The following PDE8B variants were observed in gnomAD, a reference collection of about 807,000 sequenced individuals.
PDE8B encodes the protein phosphodiesterase 8B.
In PDE8B, 26 loss-of-function variants were observed where a neutral mutation model predicts 101.3. The ratio of observed to expected loss-of-function variants is 0.26; its 90% CI spans 0.19 to 0.36. The LOEUF (loss-of-function observed/expected upper bound fraction) is 0.36. Among genes scored for constraint, PDE8B ranks in the 10% least tolerant of loss-of-function variants. The pLI, the probability that PDE8B is intolerant of heterozygous loss-of-function variation, is 1.00. For missense variants in PDE8B, 810 were observed against 1,163.1 expected (o/e 0.70, Z 4.42); for synonymous variants, 424 against 429.3 (o/e 0.99, Z 0.15).
Position 77,351,051 on chromosome 5 carries a change from C to CT in PDE8B, c.1018-11dup. The CT allele has an allele frequency of 6.2e-7, 1 of 1,604,208 alleles. No individual in the cohort carries two copies. On this transcript the variant is annotated splice_polypyrimidine_tract_variant and intron_variant, in intron 8 of 21. Coordinates refer to ENST00000264917, the MANE Select transcript of PDE8B (RefSeq NM_003719.5). The stretch of plus-strand genomic sequence containing the variant: ...TTGACTGAAGGATTTTAAGAGCTCT[C>CT]TTTGTCCATGTAGGAGTGGCAGGGG...
intron 1 of PDE8B, among the ~76,000 whole-genome samples, chr5:77,236,163 G>A (rs1754644468): frequency 6.6e-6 from 1 of 152,244 alleles, no homozygotes; most frequent in Non-Finnish European, 1.5e-5. Context: ...GACAGTGGGA[G>A]GTCCCGAGTC....
At chr5:77,241,551 A>G (rs1275255167) in intron 1 of PDE8B, among the ~76,000 whole-genome samples, 1 of 152,190 alleles carries the variant, frequency 6.6e-6, no homozygotes, top group Non-Finnish European at 1.5e-5. Context: ...TCCTATAAGC[A>G]CTATGATCCT....
the PDE8B span, among the ~76,000 whole-genome samples, chr5:77,106,723 T>A: frequency 1.3e-5 from 2 of 152,178 alleles, no homozygotes; most frequent in African/African-American, 4.8e-5. Context: ...AATCTTCAGA[T>A]CCATGAATAT....
chr5:77,275,290 A>G (rs981633259), intron 1 of PDE8B, among the ~76,000 whole-genome samples: 4 of 152,182 alleles, frequency 2.6e-5, no homozygotes, highest in Non-Finnish European at 5.9e-5. Context: ...ACTGTTAACA[A>G]TGTGGAGTTT....
the PDE8B span, chr5:77,166,526 C>T: frequency 1.3e-5 from 2 of 152,110 alleles, no homozygotes; most frequent in Non-Finnish European, 2.9e-5. Context: ...GATCTGTGGC[C>T]TGGAATAATG....
the PDE8B span, among the ~76,000 whole-genome samples, chr5:77,159,277 G>A: frequency 1.3e-5 from 2 of 152,322 alleles, no homozygotes; most frequent in South Asian, 2.1e-4. Flanking sequence ...GTCTGTGAGG[G>A]TGTTGCCAAA....
At chr5:77,311,125 G>A (rs189361685) in intron 1 of PDE8B, among the ~76,000 whole-genome samples, 49 of 142,700 alleles carry the variant, frequency 3.4e-4, no homozygotes, top group Admixed American at 3.2e-3. Flanking sequence ...GCTTCCAATA[G>A]TGACAAATGA....
intron 1 of PDE8B, among the ~76,000 whole-genome samples, chr5:77,221,388 T>C (rs1751069759): frequency 6.6e-6 from 1 of 152,248 alleles, no homozygotes; most frequent in South Asian, 2.1e-4. Flanking sequence ...GCATCTAACA[T>C]GTTTCCCTGC....
chr5:77,253,482 T>C (rs1394081052), intron 1 of PDE8B, among the ~76,000 whole-genome samples: 1 of 152,230 alleles, frequency 6.6e-6, no homozygotes, highest in African/African-American at 2.4e-5. Flanking sequence ...TATTAACATT[T>C]GTATTCTGCT....
At chr5:77,217,540 AT>A (rs1249299993) in intron 1 of PDE8B, among the ~76,000 whole-genome samples, 208 of 144,972 alleles carry the variant, frequency 1.4e-3, no homozygotes, top group Middle Eastern at 3.6e-3. Flanking sequence ...GAAAACACCA[AT>A]TTTTTTTTTT....
intron 1 of PDE8B, among the ~76,000 whole-genome samples, chr5:77,301,892 TTTTTGTTTTG>T (rs528464999): frequency 6.6e-6 from 1 of 152,220 alleles, no homozygotes; most frequent in Admixed American, 6.5e-5. Flanking sequence ...TTTGGGGTTT[TTTTTGTTTTG>T]TTTTGTTTTG....
intron 9 of PDE8B, 31 bp from the exon 10 acceptor site, chr5:77,353,315 G>T: frequency 1.7e-6 from 2 of 1,171,632 alleles, no homozygotes; most frequent in South Asian, 2.4e-5. Flanking sequence ...TCTCATATCT[G>T]ACTCACTAAT....
intron 5 of PDE8B, among the ~76,000 whole-genome samples, chr5:77,333,321 A>G (rs1777513460): frequency 6.6e-6 from 1 of 152,188 alleles, no homozygotes; most frequent in Non-Finnish European, 1.5e-5. Context: ...AAATCAGCAA[A>G]GAAGCCATGT....
At chr5:77,148,731 T>C in the PDE8B span, among the ~76,000 whole-genome samples, 47 of 152,342 alleles carry the variant, frequency 3.1e-4, no homozygotes, top group African/African-American at 1.1e-3. Flanking sequence ...GAGTTGTTTT[T>C]CTTATTATTC....
At chr5:77,369,131 A>G (rs1784626424) in intron 10 of PDE8B, among the ~76,000 whole-genome samples, 1 of 144,684 alleles carries the variant, frequency 6.9e-6, no homozygotes, top group Non-Finnish European at 1.5e-5. Flanking sequence ...TGAACCTGGG[A>G]GACGGAGGTT....
chr5:77,173,792 G>A, the PDE8B span, among the ~76,000 whole-genome samples: 11 of 152,186 alleles, frequency 7.2e-5, 2 homozygotes, highest in African/African-American at 2.6e-4. Flanking sequence ...AAAGTGTAGC[G>A]GAGTTAAGTG....
intron 10 of PDE8B, among the ~76,000 whole-genome samples, chr5:77,368,390 G>A (rs1784503100): frequency 6.6e-6 from 1 of 152,192 alleles, no homozygotes; most frequent in Non-Finnish European, 1.5e-5. Flanking sequence ...TGTGGAGCCT[G>A]CACTGTAGAA....
At chr5:77,293,239 T>C (rs1056545827) in intron 1 of PDE8B, among the ~76,000 whole-genome samples, 2 of 152,260 alleles carry the variant, frequency 1.3e-5, no homozygotes, top group Non-Finnish European at 2.9e-5. Context: ...GCTGGAAGCA[T>C]ACTATTTTGA....
the PDE8B span, among the ~76,000 whole-genome samples, chr5:77,109,142 T>C: frequency 1.2e-4 from 18 of 152,254 alleles, no homozygotes; most frequent in African/African-American, 4.1e-4. Context: ...GAAATGATTT[T>C]GCAAAGTTCT....
Sources: allele counts gnomAD v4.1 joint callset (sites outside exome capture counted in the v4.1 genomes callset), GRCh38; gene constraint gnomAD v4.1.1; transcripts MANE v1.5; gene names NCBI Gene and HGNC (gene_info 2026-07-23, HGNC 2026-07-21).